Variants in BRINP1 observed in about 807,000 individuals in gnomAD.
BRINP1 encodes BMP/retinoic acid-inducible neural-specific protein 1.
A neutral mutation model predicts 72.9 loss-of-function variants in BRINP1; 17 were observed. The ratio of observed to expected loss-of-function variants is 0.23; its 90% CI spans 0.16 to 0.35. The LOEUF (loss-of-function observed/expected upper bound fraction) is 0.35. Among genes scored for constraint, BRINP1 ranks in the 10% least tolerant of loss-of-function variants. The pLI is 1.00. For synonymous variants in BRINP1, 418 were observed against 378.5 expected (o/e 1.10, Z -1.21); for missense variants, 850 against 1,001.6 (o/e 0.85, Z 2.04).
At chr9:119,202,403 G>T (rs1391344739) in intron 7 of BRINP1, among the ~76,000 whole-genome samples, 4 of 152,062 alleles carry the variant, frequency 2.6e-5, no homozygotes, top group Non-Finnish European at 5.9e-5. Context: ...ACAGCATTCA[G>T]AGTTCACAAA....
intron 2 of BRINP1, among the ~76,000 whole-genome samples, chr9:119,300,986 T>C (rs1830933029): frequency 3.3e-5 from 5 of 152,240 alleles, no homozygotes; most frequent in Admixed American, 2.6e-4. Context: ...ACAGGTTCCT[T>C]TGTGAGTGAG....
chr9:119,338,285 T>A (rs538750271), intron 1 of BRINP1, among the ~76,000 whole-genome samples: 1 of 151,964 alleles, frequency 6.6e-6, no homozygotes, highest in South Asian at 2.1e-4. Context: ...GGGCTTTTTT[T>A]TTTTTTTCTT....
chr9:119,346,892 G>A (rs1831458138), intron 1 of BRINP1, among the ~76,000 whole-genome samples: 1 of 152,084 alleles, frequency 6.6e-6, no homozygotes, highest in African/African-American at 2.4e-5. Context: ...GTCAAGAAAG[G>A]CAGCTTCCAT....
intron 2 of BRINP1, among the ~76,000 whole-genome samples, chr9:119,286,554 C>T (rs1830762935): frequency 6.6e-6 from 1 of 152,156 alleles, no homozygotes; most frequent in African/African-American, 2.4e-5. Flanking sequence ...TCATTTTTAA[C>T]AGAGTAACAA....
intron 7 of BRINP1, among the ~76,000 whole-genome samples, chr9:119,199,366 G>A (rs909697848): frequency 3.3e-5 from 5 of 152,152 alleles, no homozygotes; most frequent in Non-Finnish European, 7.4e-5. Context: ...GGTAGCCAGA[G>A]TCTTTCTATA....
At chr9:119,277,674 A>G (rs960505362) in intron 2 of BRINP1, among the ~76,000 whole-genome samples, 1 of 152,224 alleles carries the variant, frequency 6.6e-6, no homozygotes. Flanking sequence ...ATGCTGAGGG[A>G]AAAGGTGCCT....
At chr9:119,355,697 C>A (rs1008922590) in intron 1 of BRINP1, among the ~76,000 whole-genome samples, 1 of 150,768 alleles carries the variant, frequency 6.6e-6, no homozygotes, top group Non-Finnish European at 1.5e-5. Flanking sequence ...CCACTGCACT[C>A]CAGCCTGGGC....
At chr9:119,238,634 C>G in intron 5 of BRINP1, 21 bp downstream of exon 5, 1 of 1,546,840 alleles carries the variant, frequency 6.5e-7, no homozygotes, top group Non-Finnish European at 8.9e-7. Context: ...ACTGACCCCA[C>G]TTTTTCCACT....
intron 7 of BRINP1, among the ~76,000 whole-genome samples, chr9:119,184,264 G>A (rs569029442): frequency 3.6e-4 from 55 of 152,220 alleles, no homozygotes; most frequent in Non-Finnish European, 6.6e-4. Flanking sequence ...GACAGCACTC[G>A]CAGTGAAGCT....
intron 1 of BRINP1, among the ~76,000 whole-genome samples, chr9:119,365,432 G>A (rs1203250402): frequency 1.3e-5 from 2 of 152,154 alleles, no homozygotes; most frequent in African/African-American, 4.8e-5. Flanking sequence ...AATTTGTTAA[G>A]CTTTGTATTT....
At chr9:119,278,925 A>G (rs894659856) in intron 2 of BRINP1, among the ~76,000 whole-genome samples, 4 of 151,982 alleles carry the variant, frequency 2.6e-5, no homozygotes, top group African/African-American at 7.2e-5. Flanking sequence ...ACAAACAAAA[A>G]ACAACTTAGA....
In BRINP1 at chr9:119,320,448, G is replaced by C. The variant is rs148337123; in HGVS notation, c.-50-7043C>G. On this transcript the variant is annotated intron_variant, in intron 1 of 7. Transcript: ENST00000265922. ...TAGAAATTCAATAGTGGACAGAACA[G>C]CCAGGGCCCTCAAAGAGCTTATTTT... Among the ~76,000 whole-genome samples, 246 of 152,314 alleles carry C rather than the reference G, an allele frequency of 1.6e-3. 1 individual carries two copies. The highest frequency in any genetic ancestry group is 4.6e-3 in the Admixed American group (70 of 15,306).
chr9:119,213,314 C>G (rs957140273), intron 6 of BRINP1, among the ~76,000 whole-genome samples: 5 of 152,174 alleles, frequency 3.3e-5, no homozygotes, highest in African/African-American at 1.2e-4. Context: ...AGGTAGAGAT[C>G]CTACTTCAGA....
In BRINP1 at chr9:119,167,946, A is replaced by G; in HGVS notation, c.1424T>C (p.Ile475Thr). The G allele has an allele frequency of 6.2e-7, 1 of 1,614,214 alleles. No individual in the cohort carries two copies. The highest frequency in any genetic ancestry group is 1.1e-5 in the South Asian group (1 of 91,092). ...NVDSERSEQF[I>T]SFETDLDFQD... is the part of the protein sequence containing the mutation. ...GAAGTCCAGGTCAGTCTCAAAGCTGATGAACTGCTCGCTCCGCTCCGAGTC... is the reference window on the plus strand; with the variant it reads ...GAAGTCCAGGTCAGTCTCAAAGCTGGTGAACTGCTCGCTCCGCTCCGAGTC... The change falls in exon 8 of 8, where the codon ATC becomes ACC. Residue 475 changes from isoleucine (I) to threonine (T), a missense_variant. By Grantham distance (89) the Ile-to-Thr change is moderately conservative. Transcript: ENST00000265922. This position sits in a 1 kb window ranked among gnomAD's most constrained non-coding sequence, Gnocchi z 4.3.
intron 2 of BRINP1, among the ~76,000 whole-genome samples, chr9:119,266,204 G>A (rs1830546416): frequency 6.6e-6 from 1 of 152,152 alleles, no homozygotes; most frequent in Admixed American, 6.5e-5. Flanking sequence ...AGACTTAGAG[G>A]CACAATCTGT....
At chr9:119,303,108 C>G (rs1830956476) in intron 2 of BRINP1, among the ~76,000 whole-genome samples, 1 of 152,158 alleles carries the variant, frequency 6.6e-6, no homozygotes, top group Non-Finnish European at 1.5e-5. Flanking sequence ...TCATACAAAG[C>G]ACACTCCCCC....
At chr9:119,254,315 A>G (rs1576836) in intron 2 of BRINP1, among the ~76,000 whole-genome samples, 21,498 of 152,170 alleles carry the variant, frequency 0.14, 1,659 homozygotes, top group Admixed American at 0.25. Flanking sequence ...AAGGGGGTAA[A>G]GCTGTCATTT....
chr9:119,322,223 T>C (rs752902789), intron 1 of BRINP1, among the ~76,000 whole-genome samples: 1 of 152,128 alleles, frequency 6.6e-6, no homozygotes, highest in Non-Finnish European at 1.5e-5. Context: ...GTTTAGAGCT[T>C]GTGAAAGAGA....
Position 119,252,299 on chromosome 9 carries a change from C to T in BRINP1, c.219-3149G>A, listed in dbSNP as rs367912563. 8.5e-5 allele frequency among the ~76,000 whole-genome samples: 13 copies of T among 152,150 alleles called. No individual in the cohort carries two copies. In the East Asian group the frequency reaches 1.9e-3, roughly 23 times the overall value. On this transcript the variant is annotated intron_variant, in intron 2 of 7. Transcript: ENST00000265922. The stretch of plus-strand genomic sequence containing the variant: ...AGATGACTGCAGCCTGGTAACAAAC[C>T]CAGAGACAGGGCGTCCAGATTCCTG...
Sources: allele counts gnomAD v4.1 joint callset (sites outside exome capture counted in the v4.1 genomes callset), GRCh38; gene constraint gnomAD v4.1.1; non-coding constraint Gnocchi (gnomAD v3.1); transcripts MANE v1.5; gene names NCBI Gene and HGNC (gene_info 2026-07-23, HGNC 2026-07-21).